Variants in CHN2 observed in about 807,000 individuals in gnomAD.
CHN2 encodes beta-chimaerin.
CHN2 carries 35 observed loss-of-function variants against 56.3 expected under a neutral mutation model. The observed-to-expected ratio is 0.62, with a 90% CI of 0.47 to 0.82. CHN2 has a LOEUF of 0.82. Among genes scored for constraint, CHN2 ranks in the 40% least tolerant of loss-of-function variants. The probability of loss-of-function intolerance (pLI) is 0.00; values close to 1 mark genes in which losing one functional copy is unlikely to be tolerated. For missense variants in CHN2, 491 were observed against 580.5 expected (o/e 0.85, Z 1.58); for synonymous variants, 210 against 212.8 (o/e 0.99, Z 0.12).
intron 10 of CHN2, among the ~76,000 whole-genome samples, chr7:29,505,545 T>A (rs533892093): frequency 6.6e-6 from 1 of 152,318 alleles, no homozygotes; most frequent in African/African-American, 2.4e-5. Flanking sequence ...AAATACACCC[T>A]ATTTGTTGCC....
intron 1 of CHN2, among the ~76,000 whole-genome samples, chr7:29,272,844 A>G (rs999717065): frequency 1.3e-5 from 2 of 152,150 alleles, no homozygotes; most frequent in Non-Finnish European, 2.9e-5. Context: ...ATATTATAGG[A>G]TATATATAGA....
chr7:29,488,268 G>A (rs545191386), intron 7 of CHN2, among the ~76,000 whole-genome samples: 1 of 152,294 alleles, frequency 6.6e-6, no homozygotes, highest in African/African-American at 2.4e-5. Flanking sequence ...TTGCAAAAGG[G>A]GAGAGTTCAA....
At chr7:29,274,542 T>C (rs1390114223) in intron 1 of CHN2, among the ~76,000 whole-genome samples, 1 of 152,214 alleles carries the variant, frequency 6.6e-6, no homozygotes, top group Non-Finnish European at 1.5e-5. Context: ...ATCAAGACAG[T>C]GGCTGAGCGG....
chr7:29,155,095 CCA>C (rs2128699081), intron 2 of CHN2, among the ~76,000 whole-genome samples: 1 of 152,176 alleles, frequency 6.6e-6, no homozygotes, highest in African/African-American at 2.4e-5. Context: ...GGACCTGCCC[CCA>C]TGATTCAATT....
At position 29,271,552 on chromosome 7, in the gene CHN2, G is replaced by A. The variant is rs151096001; in HGVS notation, c.49+76562G>A. Among the ~76,000 whole-genome samples the A allele has an allele frequency of 6.5e-3, 994 of 152,264 alleles. 10 individuals are homozygous for A. Among genetic ancestry groups the A allele is most frequent in the Non-Finnish European group, 7.9e-3 (539 of 68,026 alleles). ...ACCTGAGCCCATCCAGGAAACACAG[G>A]ACAATTTTCAGTTTGGTAGGAAATC... On this transcript the variant is annotated intron_variant, in intron 1 of 12. Coordinates refer to ENST00000222792, the MANE Select transcript of CHN2 (RefSeq NM_004067.4).
intron 1 of CHN2, among the ~76,000 whole-genome samples, chr7:29,307,702 G>A (rs966286202): frequency 6.6e-6 from 1 of 152,146 alleles, no homozygotes; most frequent in Non-Finnish European, 1.5e-5. Flanking sequence ...AGTCAAGGAA[G>A]GTGGACAAAA....
intron 7 of CHN2, among the ~76,000 whole-genome samples, chr7:29,488,390 C>G (rs1048527096): frequency 6.6e-6 from 1 of 152,112 alleles, no homozygotes; most frequent in Non-Finnish European, 1.5e-5. Context: ...TGCTGCTGAC[C>G]TGGGTGACGC....
At position 29,501,970 on chromosome 7, in the gene CHN2, T is replaced by C. The variant is rs918927511; in HGVS notation, c.913+1930T>C. Among the ~76,000 whole-genome samples the C allele has an allele frequency of 2.6e-5, 4 of 152,202 alleles. No homozygotes were observed. The East Asian group carries it at 5.8e-4, about 22-fold the overall frequency. On this transcript the variant is annotated intron_variant, in intron 9 of 12. Transcript: ENST00000222792. ...CATATCTGTTTCTTCATCTATAATA[T>C]GAATGGAATCAACTGTACCTCATAA... is the stretch of plus-strand genomic sequence containing the variant.
chr7:29,246,596 G>A (rs1788098106), intron 1 of CHN2, among the ~76,000 whole-genome samples: 1 of 152,184 alleles, frequency 6.6e-6, no homozygotes, highest in African/African-American at 2.4e-5. Flanking sequence ...CACATCCATG[G>A]CTGAAAGGTA....
intron 1 of CHN2, among the ~76,000 whole-genome samples, chr7:29,277,689 C>T (rs1283299233): frequency 6.6e-6 from 1 of 152,234 alleles, no homozygotes; most frequent in Non-Finnish European, 1.5e-5. Context: ...AGTCATTGCA[C>T]ACATACTGTG....
rs533720306 is a variant in CHN2 at position 29,274,706 on chromosome 7, AAAAC to A, written c.49+79724_49+79727del. Among the ~76,000 whole-genome samples the A allele has an allele frequency of 3.3e-3, 500 of 152,366 alleles. 2 individuals are homozygous for A. Among genetic ancestry groups the A allele is most frequent in the African/African-American group, 0.011 (470 of 41,584 alleles). On this transcript the variant is annotated intron_variant, in intron 1 of 12. Transcript: ENST00000222792. ...AAGTGCAGATCAAAGAGAAGCTATT[AAAAC>A]AAACAAAACACAACACATTTTGATG...
At chr7:29,472,295 ACACG>A (rs1554298721) in intron 6 of CHN2, among the ~76,000 whole-genome samples, 15 of 149,854 alleles carry the variant, frequency 1.0e-4, no homozygotes, top group African/African-American at 3.7e-4. Flanking sequence ...ACACACACAC[ACACG>A]CACACACACA....
intron 2 of CHN2, among the ~76,000 whole-genome samples, chr7:29,170,638 G>A (rs575801320): frequency 4.6e-5 from 7 of 152,194 alleles, no homozygotes; most frequent in African/African-American, 7.2e-5. Context: ...GAACACTTCT[G>A]TGTGACTTTC....
chr7:29,218,982 GAA>G (rs58514795), intron 1 of CHN2, among the ~76,000 whole-genome samples: 39 of 151,144 alleles, frequency 2.6e-4, no homozygotes, highest in East Asian at 1.9e-4. Context: ...AAAATAGAAG[GAA>G]AAAAAAAGTT....
intron 6 of CHN2, among the ~76,000 whole-genome samples, chr7:29,477,409 G>C (rs1775280625): frequency 6.6e-6 from 1 of 152,144 alleles, no homozygotes; most frequent in African/African-American, 2.4e-5. Flanking sequence ...ACCATCCATA[G>C]ACCAAAAGGA....
chr7:29,373,616 C>T (rs1799793240), intron 3 of CHN2, among the ~76,000 whole-genome samples: 1 of 152,180 alleles, frequency 6.6e-6, no homozygotes, highest in South Asian at 2.1e-4. Flanking sequence ...TTCTAAATAT[C>T]TACTGATTTT....
intron 1 of CHN2, among the ~76,000 whole-genome samples, chr7:29,235,094 T>C (rs546780403): frequency 6.6e-6 from 1 of 152,204 alleles, no homozygotes; most frequent in African/African-American, 2.4e-5. Context: ...AAGGCACTTA[T>C]AGTCTTATTC....
chr7:29,173,256 A>G (rs1302194196), intron 2 of CHN2, among the ~76,000 whole-genome samples: 1 of 152,102 alleles, frequency 6.6e-6, no homozygotes, highest in Non-Finnish European at 1.5e-5. Flanking sequence ...AACCCAGAGG[A>G]AAAAAAGCCC....
chr7:29,198,145 G>A (rs1255363752), intron 1 of CHN2, among the ~76,000 whole-genome samples: 1 of 152,210 alleles, frequency 6.6e-6, no homozygotes, highest in Non-Finnish European at 1.5e-5. Flanking sequence ...AACAGCTCTG[G>A]AAGCCGTAGG....
Sources: gnomAD v4.1 joint callset for allele counts (sites outside exome capture counted in the v4.1 genomes callset) on GRCh38, gnomAD v4.1.1 for gene constraint, MANE v1.5 for transcripts, NCBI Gene and HGNC (gene_info 2026-07-23, HGNC 2026-07-21) for gene names.